The following ZNF536 variants were observed in gnomAD, a reference collection of about 807,000 sequenced individuals.
The protein encoded by ZNF536 is zinc finger protein 536.
In ZNF536, 13 loss-of-function variants were observed where a neutral mutation model predicts 84.5. The observed-to-expected ratio is 0.15, with a 90% confidence interval of 0.10 to 0.24. ZNF536 has a LOEUF of 0.24. Among genes scored for constraint, ZNF536 ranks in the 10% least tolerant of loss-of-function variants. The probability of loss-of-function intolerance (pLI) is 1.00; values close to 1 mark genes in which losing one functional copy is unlikely to be tolerated. For synonymous variants in ZNF536, 811 were observed against 742.5 expected (o/e 1.09, Z -1.50); for missense variants, 1,536 against 1,747.5 (o/e 0.88, Z 2.16).
intron 2 of ZNF536, among the ~76,000 whole-genome samples, chr19:30,347,330 T>C (rs1200666661): frequency 6.6e-6 from 1 of 152,186 alleles, no homozygotes; most frequent in Non-Finnish European, 1.5e-5. Context: ...GACACGAGGG[T>C]TCCTCTGGTC....
Position 30,548,683 on chromosome 19 carries a change from G to T in ZNF536, c.3064G>T (p.Ala1022Ser), listed in dbSNP as rs2146212671. ...GGAGCTCATGGCCCTTCATCTCCAG[G>T]CCAACCACCTGGGCAAAGCGAAACG... ...SMELMALHLQANHLGKAKRKD... is the reference protein window; with the variant it reads ...SMELMALHLQSNHLGKAKRKD... The change falls in exon 4 of 5, where the codon GCC (alanine) becomes TCC (serine). Residue 1022 changes from alanine (A) to serine (S), a missense_variant. Ala to Ser is a moderately conservative substitution (Grantham distance 99). Transcript: ENST00000355537. 1 of 1,613,924 alleles carries T rather than the reference G, an allele frequency of 6.2e-7. No individual in the cohort carries two copies. Among genetic ancestry groups the T allele is most frequent in the East Asian group, 2.2e-5 (1 of 44,870 alleles).
At chr19:30,266,307 C>T (rs2025510921) in intron 1 of ZNF536, among the ~76,000 whole-genome samples, 1 of 152,180 alleles carries the variant, frequency 6.6e-6, no homozygotes, top group African/African-American at 2.4e-5. Flanking sequence ...GCATCAGCCT[C>T]CCAAGGTGCT....
At chr19:30,622,108 T>C (rs2048504579) in intron 1 of ZNF536, among the ~76,000 whole-genome samples, 1 of 152,218 alleles carries the variant, frequency 6.6e-6, no homozygotes, top group Admixed American at 6.5e-5. Flanking sequence ...AGAGAGTTAG[T>C]TATTTCCATT....
chr19:30,665,017 A>G (rs1015257802), intron 1 of ZNF536, among the ~76,000 whole-genome samples: 2 of 152,230 alleles, frequency 1.3e-5, no homozygotes, highest in African/African-American at 4.8e-5. Flanking sequence ...GGAAAATAAT[A>G]TCCAGTAAAA....
chr19:30,522,091 C>T (rs887565785), intron 2 of ZNF536, among the ~76,000 whole-genome samples: 1 of 151,478 alleles, frequency 6.6e-6, no homozygotes, highest in Admixed American at 6.6e-5. Flanking sequence ...TGTTGGTCTG[C>T]AGGTACCAAG....
chr19:30,563,098 C>A (rs778973906), intron 1 of ZNF536, among the ~76,000 whole-genome samples: 15 of 152,134 alleles, frequency 9.9e-5, no homozygotes, highest in Admixed American at 2.0e-4. Flanking sequence ...CTTTCTGCAG[C>A]CATGTAGGCT....
At chr19:30,702,835 C>A (rs552263662) in intron 1 of ZNF536, among the ~76,000 whole-genome samples, 1 of 152,296 alleles carries the variant, frequency 6.6e-6, no homozygotes, top group South Asian at 2.1e-4. Flanking sequence ...TGGCGGAAAT[C>A]TGTGATGTGC....
At chr19:30,654,059 G>A (rs947202013) in intron 1 of ZNF536, among the ~76,000 whole-genome samples, 10 of 152,106 alleles carry the variant, frequency 6.6e-5, no homozygotes, top group Admixed American at 5.2e-4. Context: ...CACTAGAGAG[G>A]GTGCAATTCC....
At chr19:30,461,187 T>C (rs9304822) in intron 2 of ZNF536, among the ~76,000 whole-genome samples, 1 of 151,864 alleles carries the variant, frequency 6.6e-6, no homozygotes, top group Admixed American at 6.6e-5. Flanking sequence ...GTATCAGCGG[T>C]TGTGTAAACT....
intron 1 of ZNF536, among the ~76,000 whole-genome samples, chr19:30,605,017 T>G (rs1422155267): frequency 6.6e-6 from 1 of 152,210 alleles, no homozygotes; most frequent in East Asian, 1.9e-4. Context: ...ATTCATTACC[T>G]TATTTAATCC....
chr19:30,227,624 G>A (rs1038425644), upstream of ZNF536, among the ~76,000 whole-genome samples: 1 of 152,006 alleles, frequency 6.6e-6, no homozygotes, highest in Non-Finnish European at 1.5e-5. Flanking sequence ...GGGCTGGGTC[G>A]TGTGCGCGGG....
At chr19:30,474,234 C>G (rs1403615751) in intron 2 of ZNF536, among the ~76,000 whole-genome samples, 2 of 152,056 alleles carry the variant, frequency 1.3e-5, no homozygotes, top group Non-Finnish European at 2.9e-5. Flanking sequence ...AGACTAGGGC[C>G]AGACTGTGGA....
At chr19:30,689,755 G>A (rs1255300784) in intron 1 of ZNF536, among the ~76,000 whole-genome samples, 1 of 152,166 alleles carries the variant, frequency 6.6e-6, no homozygotes, top group East Asian at 1.9e-4. Context: ...AGCTCCTAGT[G>A]AATTATAAAG....
chr19:30,269,573 A>T (rs1269360172), intron 1 of ZNF536, among the ~76,000 whole-genome samples: 1 of 152,110 alleles, frequency 6.6e-6, no homozygotes, highest in African/African-American at 2.4e-5. Flanking sequence ...AGTCAGGTGG[A>T]TTATCTATAG....
At chr19:30,482,868 G>A (rs1375782227) in intron 2 of ZNF536, among the ~76,000 whole-genome samples, 1 of 152,118 alleles carries the variant, frequency 6.6e-6, no homozygotes, top group Non-Finnish European at 1.5e-5. Flanking sequence ...CATCTGTCTG[G>A]GTGGGCTTCA....
intron 1 of ZNF536, among the ~76,000 whole-genome samples, chr19:30,246,908 G>A (rs1320522694): frequency 6.6e-6 from 1 of 152,170 alleles, no homozygotes; most frequent in Non-Finnish European, 1.5e-5. Flanking sequence ...GACATTTTGG[G>A]AGTGAAATTC....
intron 1 of ZNF536, among the ~76,000 whole-genome samples, chr19:30,614,009 C>T (rs2048194045): frequency 6.6e-6 from 1 of 152,134 alleles, no homozygotes; most frequent in Middle Eastern, 3.2e-3. Flanking sequence ...ACTACAGGTG[C>T]GTGCCACCAT....
intron 2 of ZNF536, among the ~76,000 whole-genome samples, chr19:30,292,183 A>C (rs2045862108): frequency 6.6e-6 from 1 of 152,216 alleles, no homozygotes; most frequent in South Asian, 2.1e-4. Flanking sequence ...GAGGCTCAGC[A>C]AAGATAAGTA....
At chr19:30,522,041 G>A (rs933467377) in intron 2 of ZNF536, among the ~76,000 whole-genome samples, 3 of 151,624 alleles carry the variant, frequency 2.0e-5, no homozygotes, top group Non-Finnish European at 4.4e-5. Flanking sequence ...CACGAACACT[G>A]GACCGGGAGG....
Sources: gnomAD v4.1 joint callset for allele counts (sites outside exome capture counted in the v4.1 genomes callset) on GRCh38, gnomAD v4.1.1 for gene constraint, MANE v1.5 for transcripts, NCBI Gene and HGNC (gene_info 2026-07-23, HGNC 2026-07-21) for gene names.